RIMS2: variants seen among roughly 807,000 people sequenced by gnomAD.
The protein encoded by RIMS2 is regulating synaptic membrane exocytosis protein 2.
RIMS2 carries 59 observed loss-of-function variants against 174.4 expected under a neutral mutation model. That is an observed-to-expected ratio of 0.34 (90% CI 0.27 to 0.42). The LOEUF is 0.42. Ranked by LOEUF, RIMS2 falls within the 10% of genes least tolerant of loss-of-function variation. The pLI is 1.00. For missense variants in RIMS2, 1,620 were observed against 1,666.3 expected (o/e 0.97, Z 0.48); for synonymous variants, 606 against 572.5 (o/e 1.06, Z -0.84).
chr8:103,644,765 C>G (rs1219101385), intron 1 of RIMS2, among the ~76,000 whole-genome samples: 1 of 151,164 alleles, frequency 6.6e-6, no homozygotes, highest in Admixed American at 6.6e-5. Flanking sequence ...TTATACATTT[C>G]ATATATAGAT....
intron 3 of RIMS2, among the ~76,000 whole-genome samples, chr8:103,798,661 A>T (rs187513555): frequency 2.0e-5 from 3 of 152,144 alleles, no homozygotes; most frequent in Non-Finnish European, 4.4e-5. Context: ...GGTGCTTTAG[A>T]TCTTACATTT....
chr8:103,579,400 T>A (rs1483824003), intron 1 of RIMS2, among the ~76,000 whole-genome samples: 1 of 152,046 alleles, frequency 6.6e-6, no homozygotes, highest in Non-Finnish European at 1.5e-5. Flanking sequence ...TAAAATTAAG[T>A]ACAAGGACAA....
At chr8:103,904,104 T>C (rs768890414) in intron 4 of RIMS2, among the ~76,000 whole-genome samples, 11 of 152,214 alleles carry the variant, frequency 7.2e-5, no homozygotes, top group Non-Finnish European at 1.3e-4. Flanking sequence ...TCTTACTCCT[T>C]CTCCACCATC....
At chr8:104,037,392 A>G (rs781556336) in intron 19 of RIMS2, among the ~76,000 whole-genome samples, 39 of 152,224 alleles carry the variant, frequency 2.6e-4, no homozygotes, top group Non-Finnish European at 4.3e-4. Context: ...CGTTTTTAAC[A>G]TAATGCTTGT....
At chr8:103,758,557 C>T (rs1438782143) in intron 2 of RIMS2, among the ~76,000 whole-genome samples, 1 of 152,092 alleles carries the variant, frequency 6.6e-6, no homozygotes, top group African/African-American at 2.4e-5. Context: ...TCACATGCAG[C>T]ACTTCTAGTT....
At chr8:103,781,534 G>A (rs933070109) in intron 3 of RIMS2, among the ~76,000 whole-genome samples, 1 of 152,092 alleles carries the variant, frequency 6.6e-6, no homozygotes, top group Non-Finnish European at 1.5e-5. Context: ...TTGCTATAGA[G>A]ATGGCTTTGA....
chr8:104,153,746 G>A (rs2098704444), intron 19 of RIMS2, among the ~76,000 whole-genome samples: 1 of 152,028 alleles, frequency 6.6e-6, no homozygotes, highest in South Asian at 2.1e-4. Context: ...TAGAGGTCAG[G>A]AAGAAGAAGA....
At chr8:103,507,612 C>G (rs1018053111) in intron 1 of RIMS2, among the ~76,000 whole-genome samples, 3 of 151,874 alleles carry the variant, frequency 2.0e-5, no homozygotes, top group African/African-American at 7.3e-5. Context: ...TTTAAACATG[C>G]CTAATTTTGC....
chr8:103,671,569 C>T (rs2096744357), intron 1 of RIMS2, among the ~76,000 whole-genome samples: 1 of 152,160 alleles, frequency 6.6e-6, no homozygotes, highest in Non-Finnish European at 1.5e-5. Flanking sequence ...TCTACCCTTT[C>T]CATGAACTTC....
chr8:103,924,903 T>C (rs2078456094), intron 10 of RIMS2, among the ~76,000 whole-genome samples: 1 of 151,670 alleles, frequency 6.6e-6, no homozygotes, highest in Admixed American at 6.6e-5. Context: ...ATGCCATTAA[T>C]GTTTTTGGTG....
At chr8:104,236,009 A>G (rs961125509) in intron 19 of RIMS2, among the ~76,000 whole-genome samples, 2 of 151,776 alleles carry the variant, frequency 1.3e-5, no homozygotes, top group African/African-American at 4.8e-5. Context: ...GTTTTTCATG[A>G]CATTGACTTT....
intron 3 of RIMS2, among the ~76,000 whole-genome samples, chr8:103,876,946 A>G (rs1478746912): frequency 1.6e-5 from 2 of 123,090 alleles, no homozygotes; most frequent in Non-Finnish European, 3.5e-5. Context: ...CAGTTTCTTT[A>G]TCCACTCGTT....
intron 1 of RIMS2, among the ~76,000 whole-genome samples, chr8:103,528,499 T>G (rs1451878107): frequency 6.6e-6 from 1 of 152,230 alleles, no homozygotes; most frequent in Non-Finnish European, 1.5e-5. Context: ...TGCCTAGGTT[T>G]TCTTCTAGAG....
chr8:104,169,987 G>A (rs949655219), intron 19 of RIMS2, among the ~76,000 whole-genome samples: 1 of 151,940 alleles, frequency 6.6e-6, no homozygotes, highest in African/African-American at 2.4e-5. Context: ...TGTTCCTTTT[G>A]GAGTTGATTT....
chr8:104,014,066 T>C (rs892287068), intron 18 of RIMS2, among the ~76,000 whole-genome samples: 12 of 152,202 alleles, frequency 7.9e-5, no homozygotes, highest in African/African-American at 2.2e-4. Flanking sequence ...AGGATTTTAT[T>C]TGTAGTTTCA....
At chr8:104,178,850 G>A (rs956189928) in intron 19 of RIMS2, among the ~76,000 whole-genome samples, 1 of 151,990 alleles carries the variant, frequency 6.6e-6, no homozygotes, top group African/African-American at 2.4e-5. Context: ...TACCAACATC[G>A]TGGTAGCAAC....
At chr8:104,246,342 A>ATT (rs879292823) in intron 20 of RIMS2, among the ~76,000 whole-genome samples, 2 of 150,824 alleles carry the variant, frequency 1.3e-5, no homozygotes, top group African/African-American at 4.9e-5. Context: ...TTTCCTTTTT[A>ATT]TTTTTTTTGT....
chr8:103,773,971 G>A (rs946433467), intron 3 of RIMS2, among the ~76,000 whole-genome samples: 2 of 152,066 alleles, frequency 1.3e-5, no homozygotes, highest in African/African-American at 4.8e-5. Context: ...GTGAAACCCC[G>A]TCTCTACTAA....
intron 14 of RIMS2, among the ~76,000 whole-genome samples, chr8:103,948,106 T>C (rs528073623): frequency 6.6e-6 from 1 of 152,310 alleles, no homozygotes; most frequent in South Asian, 2.1e-4. Context: ...ACATCGTTAG[T>C]TATTAGTGAA....
Sources: allele counts gnomAD v4.1 joint callset (sites outside exome capture counted in the v4.1 genomes callset), GRCh38; gene constraint gnomAD v4.1.1; transcripts MANE v1.5; gene names NCBI Gene and HGNC (gene_info 2026-07-23, HGNC 2026-07-21).